SLC35F3: variants seen among roughly 807,000 people sequenced by gnomAD.
SLC35F3 encodes the protein solute carrier family 35 member F3, also known as putative thiamine transporter SLC35F3.
A neutral mutation model predicts 49.9 loss-of-function variants in SLC35F3; 25 were observed. The observed-to-expected ratio is 0.50, with a 90% CI of 0.37 to 0.70. SLC35F3 has a LOEUF of 0.70. Ranked by LOEUF, SLC35F3 falls within the 30% of genes least tolerant of loss-of-function variation. SLC35F3 has a pLI of 0.00. For synonymous variants in SLC35F3, 275 were observed against 265.4 expected, an observed-to-expected ratio of 1.04 and a Z score of -0.35; for missense variants, 525 against 639.8, an observed-to-expected ratio of 0.82 and a Z score of 1.94.
intron 2 of SLC35F3, among the ~76,000 whole-genome samples, chr1:234,088,319 T>C (rs1001516844): frequency 2.0e-5 from 3 of 152,228 alleles, no homozygotes; most frequent in African/African-American, 7.2e-5. Context: ...GCAATTCTCC[T>C]GCCTCAGCCT....
chr1:233,991,481 A>C (rs1207220836), intron 2 of SLC35F3, among the ~76,000 whole-genome samples: 1 of 152,196 alleles, frequency 6.6e-6, no homozygotes, highest in Non-Finnish European at 1.5e-5. Context: ...AAAGAAAAAA[A>C]ACTAGAGGGT....
At chr1:234,174,445 G>T (rs1438194526) in intron 2 of SLC35F3, among the ~76,000 whole-genome samples, 2 of 152,226 alleles carry the variant, frequency 1.3e-5, no homozygotes, top group African/African-American at 4.8e-5. Context: ...GACCTACTAT[G>T]TGCCAGGCAC....
At chr1:234,029,102 G>C (rs1664020265) in intron 2 of SLC35F3, among the ~76,000 whole-genome samples, 1 of 152,058 alleles carries the variant, frequency 6.6e-6, no homozygotes, top group African/African-American at 2.4e-5. Context: ...AAAAACATCG[G>C]TCATTTTCTG....
In SLC35F3 at chr1:234,309,281, C is replaced by T. The variant is rs1462933631; in HGVS notation, c.789C>T (p.Leu263=). ...FCCNKAFVFL[L]SWIVLRDRFM... is the part of the protein sequence containing the mutation. ...GCAACAAAGCTTTTGTGTTCTTGCTCTCATGGATCGTTCTCAGGGACAGAT... is the reference window on the plus strand; with the variant it reads ...GCAACAAAGCTTTTGTGTTCTTGCTTTCATGGATCGTTCTCAGGGACAGAT... The change falls in exon 4 of 8, where the codon CTC becomes CTT. Residue 263 remains leucine, a synonymous_variant. Transcript: ENST00000366618. The T allele has an allele frequency of 6.2e-6, 10 of 1,614,238 alleles. No homozygotes were observed. In the East Asian group the frequency reaches 6.7e-5, roughly 11 times the overall value.
intron 2 of SLC35F3, among the ~76,000 whole-genome samples, chr1:234,044,592 T>A (rs899366296): frequency 1.3e-5 from 2 of 152,186 alleles, no homozygotes; most frequent in African/African-American, 2.4e-5. Context: ...TTCTACAAGG[T>A]TGACATTTGT....
chr1:234,185,631 C>T (rs1358834482), intron 2 of SLC35F3, among the ~76,000 whole-genome samples: 1 of 152,172 alleles, frequency 6.6e-6, no homozygotes, highest in African/African-American at 2.4e-5. Flanking sequence ...CCTGGGGCCA[C>T]TCTGAAAAGC....
chr1:234,291,133 C>G (rs1668500832), intron 3 of SLC35F3, among the ~76,000 whole-genome samples: 2 of 152,206 alleles, frequency 1.3e-5, no homozygotes, highest in South Asian at 2.1e-4. Context: ...CCCCAAACCA[C>G]CAACCCCTCC....
intron 3 of SLC35F3, among the ~76,000 whole-genome samples, chr1:234,267,627 C>G (rs1373148637): frequency 6.7e-6 from 1 of 149,156 alleles, no homozygotes; most frequent in Non-Finnish European, 1.5e-5. Flanking sequence ...GCTGGCCAGG[C>G]GGGGGGCTGA....
In SLC35F3 at chr1:234,073,871, AT is replaced by A. The variant is rs539340744; in HGVS notation, c.284-157545del. Among the ~76,000 whole-genome samples, 452 of 152,194 alleles carry A rather than the reference AT, an allele frequency of 3.0e-3. 3 individuals carry two copies. Among genetic ancestry groups the A allele is most frequent in the African/African-American group, 0.01 (420 of 41,496 alleles). On this transcript the variant is annotated intron_variant, in intron 2 of 7. Coordinates refer to ENST00000366618, the MANE Select transcript of SLC35F3 (RefSeq NM_173508.4). ...TTTTTTTATTATTAAATGTGGTAAAATATTTGTAACATAAAATTTACCATCT... is the reference window on the plus strand; with the variant it reads ...TTTTTTTATTATTAAATGTGGTAAAAATTTGTAACATAAAATTTACCATCT...
chr1:234,158,907 A>G (rs911783744), intron 2 of SLC35F3, among the ~76,000 whole-genome samples: 8 of 152,232 alleles, frequency 5.3e-5, no homozygotes, highest in South Asian at 2.1e-4. Context: ...AAGAAAACTA[A>G]TGAACAAAGG....
intron 2 of SLC35F3, among the ~76,000 whole-genome samples, chr1:233,986,734 C>T (rs567369824): frequency 2.0e-5 from 3 of 152,258 alleles, no homozygotes; most frequent in Admixed American, 2.0e-4. Context: ...GAAAATCTCC[C>T]CTTGATGGGT....
At chr1:233,924,289 T>G (rs1662119355) in intron 2 of SLC35F3, among the ~76,000 whole-genome samples, 2 of 152,178 alleles carry the variant, frequency 1.3e-5, no homozygotes, top group South Asian at 2.1e-4. Context: ...TTTTTTTGGT[T>G]GCTATGCTAT....
intron 2 of SLC35F3, among the ~76,000 whole-genome samples, chr1:234,084,220 G>C (rs1378288181): frequency 1.3e-5 from 2 of 148,210 alleles, no homozygotes; most frequent in Non-Finnish European, 3.0e-5. Context: ...ATAAGGAATA[G>C]ACACACACAC....
At chr1:234,267,457 G>A (rs1313755383) in intron 3 of SLC35F3, among the ~76,000 whole-genome samples, 3 of 146,568 alleles carry the variant, frequency 2.0e-5, no homozygotes, top group African/African-American at 5.1e-5. Flanking sequence ...AGGGGCGGCC[G>A]GGCAGAAGCG....
At chr1:234,024,632 G>A (rs532462415) in intron 2 of SLC35F3, among the ~76,000 whole-genome samples, 33 of 152,104 alleles carry the variant, frequency 2.2e-4, no homozygotes, top group Non-Finnish European at 3.8e-4. Context: ...GGGTGTGCAT[G>A]TTCATATTCC....
intron 2 of SLC35F3, among the ~76,000 whole-genome samples, chr1:234,065,672 G>T (rs938700139): frequency 6.6e-6 from 1 of 152,152 alleles, no homozygotes; most frequent in Admixed American, 6.5e-5. Context: ...TGTTAGTAAA[G>T]ACTTAAAAAC....
At chr1:234,031,618 C>T (rs1035379061) in intron 2 of SLC35F3, among the ~76,000 whole-genome samples, 15 of 152,174 alleles carry the variant, frequency 9.9e-5, no homozygotes, top group African/African-American at 3.4e-4. Context: ...GATCATAGCT[C>T]ACTGCAACCT....
chr1:234,073,000 G>A (rs1664740761), intron 2 of SLC35F3, among the ~76,000 whole-genome samples: 1 of 152,192 alleles, frequency 6.6e-6, no homozygotes, highest in African/African-American at 2.4e-5. Context: ...GGGTGTTTGT[G>A]ATAACCCAGT....
chr1:234,278,477 G>A (rs1392687658), intron 3 of SLC35F3, among the ~76,000 whole-genome samples: 2 of 149,334 alleles, frequency 1.3e-5, no homozygotes, highest in South Asian at 2.1e-4. Flanking sequence ...GCAACAGAGC[G>A]AGACTCTGTT....
Sources: allele counts gnomAD v4.1 joint callset (sites outside exome capture counted in the v4.1 genomes callset), GRCh38; gene constraint gnomAD v4.1.1; transcripts MANE v1.5; gene names NCBI Gene and HGNC (gene_info 2026-07-23, HGNC 2026-07-21).